Variants in SPAG16 observed in about 807,000 individuals in gnomAD.
SPAG16 encodes sperm-associated antigen 16 protein.
SPAG16 carries 86 observed loss-of-function variants against 80.4 expected under a neutral mutation model. The observed-to-expected ratio is 1.07, with a 90% CI of 0.90 to 1.28. The LOEUF (loss-of-function observed/expected upper bound fraction) is 1.28, where lower values mean the gene tolerates loss of function less well. Ranked by LOEUF, SPAG16 falls within the 50% of genes most tolerant of loss-of-function variation. SPAG16 has a pLI of 0.00. For missense variants in SPAG16, 870 were observed against 765.3 expected (o/e 1.14, Z -1.61); for synonymous variants, 294 against 265.9 (o/e 1.11, Z -1.03).
intron 10 of SPAG16, among the ~76,000 whole-genome samples, chr2:213,809,358 C>CTTGGGTATGT (rs2071976710): frequency 2.0e-5 from 3 of 152,090 alleles, no homozygotes; most frequent in Admixed American, 2.0e-4. Context: ...TGGGTATGTA[C>CTTGGGTATGT]TGTAAGTTGG....
chr2:214,211,713 G>A (rs896934087), intron 15 of SPAG16, among the ~76,000 whole-genome samples: 3 of 152,144 alleles, frequency 2.0e-5, no homozygotes, highest in African/African-American at 7.2e-5. Context: ...AGTGGTCCAG[G>A]CTTGGATCAA....
intron 12 of SPAG16, among the ~76,000 whole-genome samples, chr2:213,986,616 T>C (rs1053698221): frequency 2.6e-5 from 4 of 151,986 alleles, no homozygotes; most frequent in African/African-American, 9.7e-5. Context: ...TAAAATGATT[T>C]GTTAGAAAAC....
chr2:214,341,630 T>A (rs1697704970), intron 15 of SPAG16, among the ~76,000 whole-genome samples: 1 of 152,182 alleles, frequency 6.6e-6, no homozygotes, highest in Admixed American at 6.5e-5. Flanking sequence ...TGAATCAATG[T>A]TTTTTAAGTT....
intron 10 of SPAG16, among the ~76,000 whole-genome samples, chr2:213,594,621 A>T (rs1325204055): frequency 2.0e-5 from 3 of 152,098 alleles, no homozygotes; most frequent in African/African-American, 7.2e-5. Flanking sequence ...TTTGGGTTTC[A>T]CTAAGTGATT....
At chr2:214,374,706 T>G (rs1466485187) in intron 15 of SPAG16, among the ~76,000 whole-genome samples, 1 of 152,140 alleles carries the variant, frequency 6.6e-6, no homozygotes, top group African/African-American at 2.4e-5. Context: ...ACTAGAGTAA[T>G]TTACTCAGCT....
At chr2:213,922,649 G>T (rs1447208012) in intron 11 of SPAG16, among the ~76,000 whole-genome samples, 1 of 152,116 alleles carries the variant, frequency 6.6e-6, no homozygotes, top group Non-Finnish European at 1.5e-5. Flanking sequence ...TTTCTAATTT[G>T]TGTGGGCTGA....
chr2:214,155,162 CAG>C (rs1321355301), intron 15 of SPAG16, among the ~76,000 whole-genome samples: 1 of 152,116 alleles, frequency 6.6e-6, no homozygotes. Context: ...TGGAGATCTG[CAG>C]AGTCCCCTCC....
chr2:214,017,568 T>C lies in SPAG16; in HGVS notation c.1527+3491T>C, dbSNP rs375668526. ...AAAACTGCTCTAATTTTAAAAAGTT[T>C]CCTCTCATATATATCTGCCTTGAAT... is the stretch of plus-strand genomic sequence containing the variant. On this transcript the variant is annotated intron_variant, in intron 13 of 15. Coordinates refer to ENST00000331683, the MANE Select transcript of SPAG16 (RefSeq NM_024532.5). Among the ~76,000 whole-genome samples, 17 of 152,250 alleles carry C rather than the reference T, an allele frequency of 1.1e-4. No homozygotes were observed. The East Asian group carries it at 2.9e-3, about 26-fold the overall frequency.
intron 12 of SPAG16, among the ~76,000 whole-genome samples, chr2:214,004,134 T>A (rs2046920942): frequency 2.0e-5 from 3 of 152,154 alleles, no homozygotes; most frequent in Admixed American, 2.0e-4. Flanking sequence ...GTGAGTATAA[T>A]TTGGGAGTTA....
At chr2:213,366,444 TCACAGTTCCA>T (rs1014954909) in intron 8 of SPAG16, among the ~76,000 whole-genome samples, 2 of 152,088 alleles carry the variant, frequency 1.3e-5, no homozygotes, top group African/African-American at 2.4e-5. Context: ...TATAATGGAC[TCACAGTTCCA>T]CATAGCTGGG....
In SPAG16 at chr2:214,080,373, C is replaced by T. The variant is rs551935910; in HGVS notation, c.1528-27823C>T. Among the ~76,000 whole-genome samples, 193 of 151,198 alleles carry T rather than the reference C, an allele frequency of 1.3e-3. 2 individuals carry two copies. The highest frequency in any genetic ancestry group is 4.6e-3 in the African/African-American group (189 of 41,150). ...CAGCACTTTGGGAGGCCGAGGCAGG[C>T]GGATCACAAGGTCAGGAGATCAAGA... On this transcript the variant is annotated intron_variant, in intron 13 of 15. Coordinates refer to ENST00000331683, the MANE Select transcript of SPAG16 (RefSeq NM_024532.5).
intron 7 of SPAG16, among the ~76,000 whole-genome samples, chr2:213,359,221 G>T (rs566488204): frequency 6.6e-6 from 1 of 152,306 alleles, no homozygotes; most frequent in Non-Finnish European, 1.5e-5. Context: ...CAGTCAGGCT[G>T]CATGGGGATC....
chr2:213,573,699 C>A (rs985934813), intron 10 of SPAG16, among the ~76,000 whole-genome samples: 1 of 152,006 alleles, frequency 6.6e-6, no homozygotes, highest in African/African-American at 2.4e-5. Context: ...ATGATTTCTT[C>A]TACTATTTTT....
At chr2:214,103,595 A>G (rs1274636621) in intron 13 of SPAG16, among the ~76,000 whole-genome samples, 1 of 152,190 alleles carries the variant, frequency 6.6e-6, no homozygotes, top group Non-Finnish European at 1.5e-5. Context: ...ATCTGCAATA[A>G]AGGAAACAGA....
chr2:213,330,772 G>T (rs186458976), intron 5 of SPAG16, among the ~76,000 whole-genome samples: 5 of 152,148 alleles, frequency 3.3e-5, no homozygotes, highest in Non-Finnish European at 7.4e-5. Flanking sequence ...ATCTCATCTT[G>T]AATTCCCATG....
intron 13 of SPAG16, among the ~76,000 whole-genome samples, chr2:214,081,850 A>C (rs2051412076): frequency 7.3e-6 from 1 of 136,526 alleles, no homozygotes; most frequent in South Asian, 2.3e-4. Flanking sequence ...TTTTTTTTTC[A>C]TCCTTAGGAG....
rs140986943 is a variant in SPAG16, at chr2:213,620,851, G to A, written c.1070+130761G>A. Reference sequence around the variant, plus strand: ...ATTTTTGCTTATGATAAGACTATTAGAGTCTGCAGATAAATTTAAGTGCTT... The same window carrying A: ...ATTTTTGCTTATGATAAGACTATTAAAGTCTGCAGATAAATTTAAGTGCTT... On this transcript the variant is annotated intron_variant, in intron 10 of 15. Coordinates refer to ENST00000331683, the MANE Select transcript of SPAG16 (RefSeq NM_024532.5). Among the ~76,000 whole-genome samples the A allele has an allele frequency of 7.9e-5, 12 of 152,184 alleles. No homozygotes were observed. In the East Asian group the frequency reaches 1.9e-3, roughly 24 times the overall value.
At chr2:214,175,217 A>ATG (rs55915116) in intron 15 of SPAG16, among the ~76,000 whole-genome samples, 1 of 142,878 alleles carries the variant, frequency 7.0e-6, no homozygotes, top group African/African-American at 2.5e-5. Flanking sequence ...ATATAAAGAA[A>ATG]TGTGTGTATA....
At chr2:214,144,003 T>G (rs920841264) in intron 14 of SPAG16, among the ~76,000 whole-genome samples, 2 of 151,988 alleles carry the variant, frequency 1.3e-5, no homozygotes, top group Non-Finnish European at 2.9e-5. Context: ...AAAAAAAATT[T>G]AAAAATTAGC....
Sources: gnomAD v4.1 joint callset for allele counts (sites outside exome capture counted in the v4.1 genomes callset) on GRCh38, gnomAD v4.1.1 for gene constraint, MANE v1.5 for transcripts, NCBI Gene and HGNC (gene_info 2026-07-23, HGNC 2026-07-21) for gene names.